LIFR: variants seen among roughly 807,000 people sequenced by gnomAD.
LIFR encodes LIF receptor subunit alpha, also known as leukemia inhibitory factor receptor.
A neutral mutation model predicts 122.2 loss-of-function variants in LIFR; 84 were observed. The observed-to-expected ratio is 0.69, with a 90% CI of 0.58 to 0.82. The LOEUF is 0.82. Ranked by LOEUF, LIFR falls within the 40% of genes least tolerant of loss-of-function variation. The pLI is 0.00. For synonymous variants in LIFR, 422 were observed against 434.7 expected (o/e 0.97, Z 0.36); for missense variants, 1,294 against 1,311.6 (o/e 0.99, Z 0.21).
chr5:38,560,555 C>A (rs1272117641), upstream of LIFR, among the ~76,000 whole-genome samples: 3 of 151,772 alleles, frequency 2.0e-5, no homozygotes, highest in African/African-American at 7.3e-5. Flanking sequence ...TCTAGCTTGG[C>A]CCCAACAGGA....
At position 38,514,348 on chromosome 5, in the gene LIFR, A is replaced by G. The variant is rs560270430; in HGVS notation, c.562-2384T>C. Among the ~76,000 whole-genome samples the G allele has an allele frequency of 1.6e-4, 25 of 152,312 alleles. No individual in the cohort carries two copies. The South Asian group carries it at 4.8e-3, about 29-fold the overall frequency. On this transcript the variant is annotated intron_variant, in intron 5 of 19. Transcript: ENST00000453190. ...AACAGATAAAGATTGATCCACACTA[A>G]GAAACAATGGAATCATACCTTCAAA...
chr5:38,539,804 A>T (rs1430246283), intron 1 of LIFR, among the ~76,000 whole-genome samples: 1 of 152,200 alleles, frequency 6.6e-6, no homozygotes, highest in Non-Finnish European at 1.5e-5. Context: ...CTACCATGTA[A>T]AATATAATTT....
intron 3 of LIFR, 88 bp downstream of exon 3, chr5:38,528,637 CT>C: frequency 1.2e-6 from 1 of 830,258 alleles, no homozygotes; most frequent in Non-Finnish European, 2.0e-6. Context: ...GGAAATAACC[CT>C]TTAGTTTCAC....
At chr5:38,483,431 T>G (rs1388201340) in intron 18 of LIFR, among the ~76,000 whole-genome samples, 3 of 152,116 alleles carry the variant, frequency 2.0e-5, no homozygotes, top group African/African-American at 7.2e-5. Flanking sequence ...TTTGTTTTTT[T>G]GGTTTTTTTG....
intron 1 of LIFR, among the ~76,000 whole-genome samples, chr5:38,565,351 A>G (rs1474536064): frequency 6.6e-6 from 1 of 152,126 alleles, no homozygotes; most frequent in African/African-American, 2.4e-5. Context: ...TTAAGTCCCA[A>G]ATGGCAGCAT....
chr5:38,496,534 T>A lies in LIFR; in HGVS notation c.1733A>T (p.Asp578Val). 6.2e-7 allele frequency: 1 copy of A among 1,613,926 alleles called. No individual in the cohort carries two copies. Among genetic ancestry groups the A allele is most frequent in the Non-Finnish European group, 8.5e-7 (1 of 1,179,794 alleles). Reference sequence around the variant, plus strand: ...TTCAGAAAGGGACTGTGTTTCCTCATCTGATGAACACGATACATTGTAGGA... The same window carrying A: ...TTCAGAAAGGGACTGTGTTTCCTCAACTGATGAACACGATACATTGTAGGA... Reference protein sequence around the residue: ...ILSYNVSCSSDEETQSLSEIP... With the variant: ...ILSYNVSCSSVEETQSLSEIP... The change falls in exon 13 of 20, where the codon GAT (aspartate) becomes GTT (valine). Residue 578 changes from aspartate to valine, a missense_variant. Coordinates refer to ENST00000453190, the MANE Select transcript of LIFR (RefSeq NM_001127671.2).
At chr5:38,536,394 T>C (rs1164517800) in intron 1 of LIFR, among the ~76,000 whole-genome samples, 1 of 152,166 alleles carries the variant, frequency 6.6e-6, no homozygotes, top group African/African-American at 2.4e-5. Context: ...TACATAGCAT[T>C]AACACTGTAT....
At chr5:38,493,919 C>A in intron 13 of LIFR, 134 bp from the exon 14 acceptor site, 1 of 737,246 alleles carries the variant, frequency 1.4e-6, no homozygotes, top group South Asian at 1.6e-5. Flanking sequence ...ACTAGATAAA[C>A]CTAGAGCAAA....
rs549797007 is a variant in LIFR, at chr5:38,529,731, AAT to A, written c.142+773_142+774del. Reference sequence around the variant, plus strand: ...AAGGTAGTCCATCTCAGATTCTATAAATGTTTATGAAAAATGTTTTTGTTTTT... The same window carrying A: ...AAGGTAGTCCATCTCAGATTCTATAAGTTTATGAAAAATGTTTTTGTTTTT... On this transcript the variant is annotated intron_variant, in intron 2 of 19. Coordinates refer to ENST00000453190, the MANE Select transcript of LIFR (RefSeq NM_001127671.2). Among the ~76,000 whole-genome samples the A allele has an allele frequency of 3.4e-3, 522 of 152,310 alleles. 4 individuals are homozygous for A. The highest frequency in any genetic ancestry group is 0.012 in the African/African-American group (488 of 41,570).
Position 38,496,461 on chromosome 5 carries a change from G to C in LIFR, c.1806C>G (p.Asp602Glu). The C allele has an allele frequency of 6.2e-7, 1 of 1,614,088 alleles. No individual in the cohort carries two copies. The highest frequency in any genetic ancestry group is 2.2e-5 in the East Asian group (1 of 44,884). ...TTTTAGCCACTACGCTGATGATGTA[G>C]TCATTCTTATCAAGTCGTATCTCTG... is the stretch of plus-strand genomic sequence containing the variant. ...HKAEIRLDKN[D>E]YIISVVAKNS... Residue 602 changes from aspartate (D) to glutamate (E), a missense_variant, in exon 13 of 20, where the codon GAC becomes GAG. Physicochemically the swap from Asp to Glu is conservative, Grantham distance 45. Coordinates refer to ENST00000453190, the MANE Select transcript of LIFR (RefSeq NM_001127671.2).
intron 1 of LIFR, among the ~76,000 whole-genome samples, chr5:38,582,468 A>G (rs1326062200): frequency 5.9e-5 from 9 of 152,186 alleles, no homozygotes; most frequent in Non-Finnish European, 2.9e-5. Context: ...GTCTGTTGCT[A>G]TGCAAGAACA....
At chr5:38,563,594 A>G (rs1250336076) in intron 1 of LIFR, among the ~76,000 whole-genome samples, 2 of 152,238 alleles carry the variant, frequency 1.3e-5, no homozygotes, top group Non-Finnish European at 2.9e-5. Flanking sequence ...GATGTTGGCT[A>G]AAAGTGGGGC....
At chr5:38,485,390 C>A (rs532415715) in intron 17 of LIFR, among the ~76,000 whole-genome samples, 10 of 152,100 alleles carry the variant, frequency 6.6e-5, no homozygotes, top group Admixed American at 5.2e-4. Flanking sequence ...AGTTCTTTAC[C>A]GCAGAAAGAT....
rs1210501861 is a variant in LIFR, at chr5:38,479,081, C to T, written c.*2514G>A. ...GAACATGTGACCAATCTCCTTCCAA[C>T]TTCCCTCCCCTCTTCCCGTGTTGTT... On this transcript the variant is annotated 3_prime_UTR_variant, in exon 20 of 20. Transcript: ENST00000453190. The T allele has an allele frequency of 4.3e-6, 1 of 232,282 alleles. No homozygotes were observed. Among genetic ancestry groups the T allele is most frequent in the African/African-American group, 2.2e-5 (1 of 45,282 alleles). 14.4% of individuals were successfully genotyped at this position (232,282 alleles called of 1,614,324 possible). A position where few individuals can be genotyped will look rare whatever the true frequency, so the allele number is the denominator to read the frequency against.
At position 38,552,575 on chromosome 5, in the gene LIFR, C is replaced by T. The variant is rs138818602; in HGVS notation, c.-20+3759G>A. Among the ~76,000 whole-genome samples, 836 of 152,188 alleles carry T rather than the reference C, an allele frequency of 5.5e-3. 3 individuals are homozygous for T. The highest frequency in any genetic ancestry group is 0.018 in the African/African-American group (734 of 41,524). On this transcript the variant is annotated intron_variant, in intron 1 of 19. Coordinates refer to ENST00000453190, the MANE Select transcript of LIFR (RefSeq NM_001127671.2). ...TACACTTATACAAATGGCTATTCCA[C>T]GGAAATAAAAGATAAAAATGCTCAC...
rs1262550983 is a variant in LIFR, at chr5:38,530,906, T to C, written c.-19-240A>G. On this transcript the variant is annotated intron_variant, in intron 1 of 19. Transcript: ENST00000453190. ...CAAATGATGGGCTTCAAGTTAAAGA[T>C]CATAACTATAATTATAAAATTACAA... 20 of 445,724 alleles carry C rather than the reference T, an allele frequency of 4.5e-5. 1 individual carries two copies. In the East Asian group the frequency reaches 7.0e-4, roughly 16 times the overall value. The allele number at this position is 445,724 out of a possible 1,614,324, so 27.6% of individuals were successfully genotyped here. A position where few individuals can be genotyped will look rare whatever the true frequency, so the allele number is the denominator to read the frequency against.
intron 7 of LIFR, among the ~76,000 whole-genome samples, chr5:38,509,461 G>A (rs897359387): frequency 9.2e-5 from 14 of 152,002 alleles, no homozygotes; most frequent in East Asian, 5.8e-4. Context: ...ACCTAAACCC[G>A]GCTATTCCTT....
At position 38,504,986 on chromosome 5, in the gene LIFR, C is replaced by T. The variant is rs552073080; in HGVS notation, c.1292-865G>A. 3.3e-5 allele frequency among the ~76,000 whole-genome samples: 5 copies of T among 152,228 alleles called. No individual in the cohort carries two copies. In the South Asian group the frequency reaches 6.2e-4, roughly 19 times the overall value. ...AAGGTCTAGGCCGTTGCTCAGTGTG[C>T]TGTGAGCCTGACATGGAGTGTTAAT... On this transcript the variant is annotated intron_variant, in intron 9 of 19. Coordinates refer to ENST00000453190, the MANE Select transcript of LIFR (RefSeq NM_001127671.2).
At chr5:38,591,460 C>T (rs1252297862) in intron 1 of LIFR, among the ~76,000 whole-genome samples, 6 of 152,216 alleles carry the variant, frequency 3.9e-5, no homozygotes, top group Non-Finnish European at 7.3e-5. Flanking sequence ...AGGTATTCAG[C>T]TGAGGACTCC....
Sources: gnomAD v4.1 joint callset for allele counts (sites outside exome capture counted in the v4.1 genomes callset) on GRCh38, gnomAD v4.1.1 for gene constraint, MANE v1.5 for transcripts, NCBI Gene and HGNC (gene_info 2026-07-23, HGNC 2026-07-21) for gene names.